The following CSMD1 variants were observed in gnomAD, a reference collection of about 807,000 sequenced individuals.
CSMD1 encodes CUB and Sushi multiple domains 1, also known as CUB and sushi domain-containing protein 1.
CSMD1 carries 213 observed loss-of-function variants against 417.5 expected under a neutral mutation model. The ratio of observed to expected loss-of-function variants is 0.51; its 90% confidence interval spans 0.46 to 0.57. The LOEUF (loss-of-function observed/expected upper bound fraction) is 0.57, where lower values mean the gene tolerates loss of function less well. Among genes scored for constraint, CSMD1 ranks in the 20% least tolerant of loss-of-function variants. The pLI is 0.00. For synonymous variants in CSMD1, 2,862 were observed against 1,736.8 expected, an observed-to-expected ratio of 1.65 and a Z score of -16.11; for missense variants, 6,923 against 4,529.7, an observed-to-expected ratio of 1.53 and a Z score of -15.17.
intron 1 of CSMD1, among the ~76,000 whole-genome samples, chr8:4,743,401 G>A (rs887056742): frequency 2.6e-5 from 4 of 152,214 alleles, no homozygotes; most frequent in Non-Finnish European, 5.9e-5. Context: ...GAAACACAGG[G>A]AGTGGTATCT....
At chr8:4,487,797 T>G (rs1366001241) in intron 2 of CSMD1, among the ~76,000 whole-genome samples, 1 of 148,460 alleles carries the variant, frequency 6.7e-6, no homozygotes, top group Non-Finnish European at 1.5e-5. Context: ...CTTACAAAAA[T>G]TAATTAACTT....
intron 3 of CSMD1, among the ~76,000 whole-genome samples, chr8:4,149,910 C>T (rs1796478858): frequency 6.6e-6 from 1 of 152,078 alleles, no homozygotes; most frequent in African/African-American, 2.4e-5. Flanking sequence ...AGTAATCTAC[C>T]TCTTGGTGTT....
At chr8:4,603,660 C>T (rs559894978) in intron 2 of CSMD1, among the ~76,000 whole-genome samples, 2 of 152,112 alleles carry the variant, frequency 1.3e-5, no homozygotes, top group African/African-American at 2.4e-5. Flanking sequence ...CTTAAAATGA[C>T]GTGGGTTTCT....
chr8:4,637,298 T>C (rs1363361647), intron 2 of CSMD1, 44 bp downstream of exon 2: 4 of 1,414,056 alleles, frequency 2.8e-6, no homozygotes, highest in South Asian at 1.2e-5. Context: ...ATAATCTGTG[T>C]ATTCAAACAG....
At chr8:4,877,445 A>G (rs1803114384) in intron 1 of CSMD1, among the ~76,000 whole-genome samples, 1 of 152,068 alleles carries the variant, frequency 6.6e-6, no homozygotes, top group Non-Finnish European at 1.5e-5. Context: ...GTCCCTTATA[A>G]ACACCAGATG....
intron 2 of CSMD1, among the ~76,000 whole-genome samples, chr8:4,633,340 C>A (rs1240976440): frequency 6.7e-6 from 1 of 149,784 alleles, no homozygotes; most frequent in African/African-American, 2.5e-5. Context: ...TCCGCCTCCC[C>A]AGTTCACACC....
chr8:3,013,420 A>C (rs1321820437), intron 52 of CSMD1, among the ~76,000 whole-genome samples: 1 of 152,180 alleles, frequency 6.6e-6, no homozygotes, highest in Non-Finnish European at 1.5e-5. Context: ...AATAGTTATG[A>C]ATGACTACTT....
intron 11 of CSMD1, among the ~76,000 whole-genome samples, chr8:3,482,015 C>T (rs542233869): frequency 2.6e-4 from 39 of 152,176 alleles, no homozygotes; most frequent in African/African-American, 9.2e-4. Context: ...CCCAGAACAA[C>T]CACTTTGAAA....
intron 3 of CSMD1, among the ~76,000 whole-genome samples, chr8:4,305,278 G>A (rs1798185420): frequency 6.6e-6 from 1 of 152,168 alleles, no homozygotes; most frequent in South Asian, 2.1e-4. Flanking sequence ...CCTGGGAACT[G>A]AGCTGCATCA....
intron 2 of CSMD1, among the ~76,000 whole-genome samples, chr8:4,511,286 G>A (rs976947411): frequency 6.6e-6 from 1 of 152,094 alleles, no homozygotes; most frequent in Non-Finnish European, 1.5e-5. Flanking sequence ...CCAGGGCTGG[G>A]AGCACTCAGC....
At chr8:4,877,127 T>C (rs11136786) in intron 1 of CSMD1, among the ~76,000 whole-genome samples, 60,711 of 151,826 alleles carry the variant, frequency 0.4, 13,374 homozygotes, top group East Asian at 0.56. Flanking sequence ...GTTTTTCTTT[T>C]TATCATGCTC....
intron 2 of CSMD1, among the ~76,000 whole-genome samples, chr8:4,575,948 A>C (rs954686479): frequency 6.6e-6 from 1 of 152,210 alleles, no homozygotes; most frequent in African/African-American, 2.4e-5. Flanking sequence ...GCACATCACC[A>C]AATCAAACTC....
At chr8:3,068,006 T>G (rs894400045) in intron 49 of CSMD1, among the ~76,000 whole-genome samples, 2 of 152,162 alleles carry the variant, frequency 1.3e-5, no homozygotes, top group African/African-American at 4.8e-5. Context: ...GAATGGCTTT[T>G]TGTTGTAATA....
chr8:3,301,533 G>A (rs1289582079), intron 25 of CSMD1, among the ~76,000 whole-genome samples: 1 of 152,124 alleles, frequency 6.6e-6, no homozygotes, highest in African/African-American at 2.4e-5. Context: ...ATGAATTTTT[G>A]CTGAGCCCTA....
At chr8:4,173,033 A>C (rs1028706492) in intron 3 of CSMD1, among the ~76,000 whole-genome samples, 1 of 152,166 alleles carries the variant, frequency 6.6e-6, no homozygotes, top group African/African-American at 2.4e-5. Context: ...TTTAGCCCCT[A>C]ATATTGCAAG....
chr8:4,849,979 T>C (rs1355434679), intron 1 of CSMD1, among the ~76,000 whole-genome samples: 1 of 152,212 alleles, frequency 6.6e-6, no homozygotes, highest in Non-Finnish European at 1.5e-5. Flanking sequence ...TGAACTTTTT[T>C]CCATTCCCAC....
intron 1 of CSMD1, among the ~76,000 whole-genome samples, chr8:4,638,691 A>G (rs1212716001): frequency 6.6e-6 from 1 of 151,948 alleles, no homozygotes; most frequent in Non-Finnish European, 1.5e-5. Context: ...AGGACATCTC[A>G]CGTTTTACTC....
chr8:4,477,150 G>C (rs545852667), intron 2 of CSMD1, among the ~76,000 whole-genome samples: 1 of 152,190 alleles, frequency 6.6e-6, no homozygotes, highest in Non-Finnish European at 1.5e-5. Context: ...TGGGCATTCT[G>C]TGACCCTTCC....
chr8:4,458,100 A>G (rs1406470252), intron 2 of CSMD1, among the ~76,000 whole-genome samples: 2 of 151,932 alleles, frequency 1.3e-5, no homozygotes, highest in East Asian at 3.9e-4. Context: ...TATACTTAAT[A>G]TTTCTTTACA....
Sources: allele counts gnomAD v4.1 joint callset (sites outside exome capture counted in the v4.1 genomes callset), GRCh38; gene constraint gnomAD v4.1.1; transcripts MANE v1.5; gene names NCBI Gene and HGNC (gene_info 2026-07-23, HGNC 2026-07-21).